The following PDE4D variants were observed in gnomAD, a reference collection of about 807,000 sequenced individuals.
PDE4D encodes phosphodiesterase 4D.
Under a neutral mutation model 87.4 loss-of-function variants are expected in PDE4D, and 24 were observed. That is an observed-to-expected ratio of 0.27 (90% CI 0.20 to 0.39). PDE4D has a LOEUF of 0.39. Ranked by LOEUF, PDE4D falls within the 10% of genes least tolerant of loss-of-function variation. PDE4D has a pLI of 1.00. For missense variants in PDE4D, 714 were observed against 1,041.0 expected (o/e 0.69, Z 4.32); for synonymous variants, 384 against 383.2 (o/e 1.00, Z -0.02).
At chr5:60,434,349 T>C (rs1744595879) in intron 1 of PDE4D, among the ~76,000 whole-genome samples, 1 of 152,162 alleles carries the variant, frequency 6.6e-6, no homozygotes, top group Admixed American at 6.5e-5. Context: ...TTGAAAGCTT[T>C]CTAAATTATC....
At chr5:59,957,698 G>A (rs1278089876) in intron 3 of PDE4D, among the ~76,000 whole-genome samples, 2 of 151,948 alleles carry the variant, frequency 1.3e-5, no homozygotes, top group South Asian at 2.1e-4. Context: ...AAGGACATGA[G>A]GTAGCAGACT....
At chr5:60,073,180 C>T (rs541854849) in intron 2 of PDE4D, among the ~76,000 whole-genome samples, 10 of 152,072 alleles carry the variant, frequency 6.6e-5, no homozygotes, top group East Asian at 1.9e-4. Context: ...TTCTGAGGTA[C>T]GTTCCTTCAG....
chr5:59,733,038 G>T (rs1276458041), intron 1 of PDE4D, among the ~76,000 whole-genome samples: 1 of 152,096 alleles, frequency 6.6e-6, no homozygotes, highest in African/African-American at 2.4e-5. Flanking sequence ...GCACAATGGA[G>T]AATTCAAAAT....
rs557164529 is a variant in PDE4D at position 60,093,388 on chromosome 5, T to A, written c.42+92169A>T. Among the ~76,000 whole-genome samples, 6 of 152,354 alleles carry A rather than the reference T, an allele frequency of 3.9e-5. No homozygotes were observed. The East Asian group carries it at 1.2e-3, about 29-fold the overall frequency. The stretch of plus-strand genomic sequence containing the variant: ...GGGGTGAATTAAAAAGAAGAGACTA[T>A]CTCTGCTTTCCACTTGTTCCTATCT... On this transcript the variant is annotated intron_variant, in intron 2 of 16. Transcript: ENST00000502484.
At chr5:60,208,869 C>T (rs892193643) in intron 1 of PDE4D, among the ~76,000 whole-genome samples, 1 of 152,126 alleles carries the variant, frequency 6.6e-6, no homozygotes, top group Non-Finnish European at 1.5e-5. Flanking sequence ...CCAACAAGGG[C>T]AAGGGATGCC....
chr5:59,706,102 A>G (rs771895678), intron 1 of PDE4D, among the ~76,000 whole-genome samples: 31 of 152,132 alleles, frequency 2.0e-4, no homozygotes, highest in Non-Finnish European at 4.3e-4. Context: ...AATGACAAAA[A>G]CGAAATTCTA....
chr5:59,676,267 ATACT>A (rs1179307131), intron 1 of PDE4D, among the ~76,000 whole-genome samples: 5 of 152,326 alleles, frequency 3.3e-5, no homozygotes, highest in African/African-American at 1.2e-4. Context: ...ATATGGTTGC[ATACT>A]TAGAGTTTTC....
intron 1 of PDE4D, among the ~76,000 whole-genome samples, chr5:60,245,022 A>G (rs932646706): frequency 1.3e-5 from 2 of 152,038 alleles, no homozygotes; most frequent in African/African-American, 4.8e-5. Context: ...ACAGAATGGG[A>G]GAAAATATTT....
At chr5:59,698,046 A>G (rs998758810) in intron 1 of PDE4D, among the ~76,000 whole-genome samples, 1 of 152,204 alleles carries the variant, frequency 6.6e-6, no homozygotes, top group African/African-American at 2.4e-5. Context: ...CCCATAAAAT[A>G]AATGGAGTTT....
intron 1 of PDE4D, among the ~76,000 whole-genome samples, chr5:59,793,685 T>G (rs1055439280): frequency 6.6e-6 from 1 of 152,200 alleles, no homozygotes; most frequent in African/African-American, 2.4e-5. Context: ...AAAGGAAAGC[T>G]CTAGTAAAAC....
intron 1 of PDE4D, among the ~76,000 whole-genome samples, chr5:59,579,296 T>C (rs1377248465): frequency 6.6e-6 from 1 of 152,176 alleles, no homozygotes; most frequent in East Asian, 1.9e-4. Context: ...TCTTATTACA[T>C]TCATCTGGGC....
intron 1 of PDE4D, among the ~76,000 whole-genome samples, chr5:59,563,024 GGCT>G (rs1190224200): frequency 6.6e-6 from 1 of 152,074 alleles, no homozygotes; most frequent in African/African-American, 2.4e-5. Flanking sequence ...CATGTGATTT[GGCT>G]GCTAAAATGA....
At chr5:60,177,286 G>C (rs979791667) in intron 2 of PDE4D, among the ~76,000 whole-genome samples, 3 of 152,098 alleles carry the variant, frequency 2.0e-5, no homozygotes, top group Admixed American at 6.6e-5. Flanking sequence ...TTTCAGAAGA[G>C]AGCTGGTCGC....
intron 1 of PDE4D, among the ~76,000 whole-genome samples, chr5:60,465,627 TG>T (rs1431575258): frequency 1.3e-5 from 2 of 152,212 alleles, no homozygotes. Context: ...TATCAATATC[TG>T]ATATTATAAT....
intron 1 of PDE4D, among the ~76,000 whole-genome samples, chr5:59,752,493 T>G (rs886697286): frequency 6.6e-6 from 1 of 152,166 alleles, no homozygotes; most frequent in Non-Finnish European, 1.5e-5. Flanking sequence ...ATCACAAGAC[T>G]GTGCTAGGTG....
chr5:58,975,898 C>CA lies in PDE4D; in HGVS notation c.1831-60dup, dbSNP rs58999471. ...TGTTCCTTTTTTTTAAAAAAAAAAA[C>CA]AAAAAAAACTAGAAATTCACATTGG... On this transcript the variant is annotated intron_variant, in intron 13 of 14. Transcript: ENST00000340635. This position sits in a 1 kb window ranked among gnomAD's most constrained non-coding sequence, Gnocchi z 4.2. 0.022 allele frequency: 18,868 copies of CA among 875,446 alleles called. 216 individuals are homozygous for CA. Among genetic ancestry groups the CA allele is most frequent in the Admixed American group, 0.03 (912 of 30,426 alleles). The allele number at this position is 875,446 out of a possible 1,614,324, so 54.2% of individuals were successfully genotyped here.
intron 1 of PDE4D, among the ~76,000 whole-genome samples, chr5:59,455,757 G>A (rs1799821505): frequency 6.6e-6 from 1 of 152,246 alleles, no homozygotes; most frequent in Non-Finnish European, 1.5e-5. Flanking sequence ...ACCCTGCAGA[G>A]CCACAGGGGT....
At position 60,178,374 on chromosome 5, in the gene PDE4D, A is replaced by G. The variant is rs543253148; in HGVS notation, c.42+7183T>C. Among the ~76,000 whole-genome samples, 9 of 152,258 alleles carry G rather than the reference A, an allele frequency of 5.9e-5. No individual in the cohort carries two copies. In the South Asian group the frequency reaches 1.9e-3, roughly 32 times the overall value. ...TATGGTCTTCTTTGACTACTTGCCA[A>G]TTATTTCATTTATGTTGGGTGAGGA... On this transcript the variant is annotated intron_variant, in intron 2 of 16. Coordinates refer to the PDE4D transcript ENST00000502484.
chr5:60,060,607 C>T (rs990454395), intron 2 of PDE4D, among the ~76,000 whole-genome samples: 3 of 152,100 alleles, frequency 2.0e-5, no homozygotes, highest in Non-Finnish European at 4.4e-5. Flanking sequence ...CCTACATGTT[C>T]CTTCACTACA....
Sources: gnomAD v4.1 joint callset for allele counts (sites outside exome capture counted in the v4.1 genomes callset) on GRCh38, gnomAD v4.1.1 for gene constraint, Gnocchi (gnomAD v3.1) non-coding constraint, MANE v1.5 for transcripts, NCBI Gene and HGNC (gene_info 2026-07-23, HGNC 2026-07-21) for gene names.